Variants in VCAN observed in about 807,000 individuals in gnomAD.
VCAN encodes versican, also known as versican core protein.
Under a neutral mutation model 245.5 loss-of-function variants are expected in VCAN, and 44 were observed. The observed-to-expected ratio is 0.18, with a 90% CI of 0.14 to 0.23. The LOEUF (loss-of-function observed/expected upper bound fraction) is 0.23, where lower values mean the gene tolerates loss of function less well. Among genes scored for constraint, VCAN ranks in the 10% least tolerant of loss-of-function variants. The pLI is 1.00. For synonymous variants in VCAN, 1,413 were observed against 1,437.0 expected (o/e 0.98, Z 0.38); for missense variants, 3,793 against 4,057.9 (o/e 0.93, Z 1.77).
At position 83,522,102 on chromosome 5, in the gene VCAN, A is replaced by C; in HGVS notation, c.3796A>C (p.Ile1266Leu). The change falls in exon 7 of 15, where the codon ATT becomes CTT. Residue 1266 changes from isoleucine to leucine, a missense_variant. By Grantham distance (5) the Ile-to-Leu change is conservative (BLOSUM62 2). Around this residue, in one of 5 missense-constraint regions of VCAN, gnomAD observed 3,182 missense variants for 3,250.3 expected, o/e 0.98. Transcript: ENST00000265077. ...SHVPPTTLED[I>L]VAKETETDID... ...TGTTCCTCCCACTACCCTTGAAGATATTGTAGCCAAGGAAACAGAAACCGA... is the reference window on the plus strand; with the variant it reads ...TGTTCCTCCCACTACCCTTGAAGATCTTGTAGCCAAGGAAACAGAAACCGA... 3 of 1,614,184 alleles carry C rather than the reference A, an allele frequency of 1.9e-6. No homozygotes were observed. Among genetic ancestry groups the C allele is most frequent in the Non-Finnish European group, 2.5e-6 (3 of 1,180,040 alleles).
At chr5:83,558,138 C>G (rs921411925) in intron 12 of VCAN, among the ~76,000 whole-genome samples, 3 of 152,134 alleles carry the variant, frequency 2.0e-5, no homozygotes, top group Non-Finnish European at 2.9e-5. Context: ...TCCTTTTCCT[C>G]TCTGAAACAG....
chr5:83,575,447 G>A (rs1006379399), intron 13 of VCAN, among the ~76,000 whole-genome samples: 1 of 152,112 alleles, frequency 6.6e-6, no homozygotes, highest in Non-Finnish European at 1.5e-5. Flanking sequence ...CTATCCAAAT[G>A]TCATGTTTGC....
chr5:83,506,202 A>T (rs1745479242), intron 5 of VCAN, among the ~76,000 whole-genome samples: 1 of 152,198 alleles, frequency 6.6e-6, no homozygotes, highest in Admixed American at 6.5e-5. Context: ...GCCGGCTTGA[A>T]TTCCCCCGCA....
chr5:83,540,168 G>A lies in VCAN; in HGVS notation c.7165G>A (p.Ala2389Thr), dbSNP rs777747851. The change falls in exon 8 of 15, where the codon GCA becomes ACA. Residue 2389 changes from alanine (A) to threonine (T), a missense_variant. Transcript: ENST00000265077. ...EQDSNKNSST[A>T]EINETTTSST... ...AGACTCTAACAAGAATTCTTCAACA[G>A]CAGAAATTAACGAAACAACAACCTC... 27 of 1,614,004 alleles carry A rather than the reference G, an allele frequency of 1.7e-5. No homozygotes were observed. The highest frequency in any genetic ancestry group is 1.8e-5 in the Non-Finnish European group (21 of 1,179,988).
intron 12 of VCAN, 117 bp from the exon 13 acceptor site, chr5:83,572,299 A>C (rs776695588): frequency 3.2e-6 from 4 of 1,258,116 alleles, no homozygotes; most frequent in South Asian, 1.2e-5. Context: ...AATTTCAGCT[A>C]TATGAAACAA....
chr5:83,541,478 A>T lies in VCAN; in HGVS notation c.8475A>T (p.Pro2825=). ...STFAKLSSQT[P]SSPLTIYSGS... is the part of the protein sequence containing the mutation. ...TTGCGAAGTTGTCTTCTCAGACACC[A>T]TCATCTCCCCTCACTATCTACTCAG... The change falls in exon 8 of 15, where the codon CCA becomes CCT. Residue 2825 remains proline, a synonymous_variant. Transcript: ENST00000265077. 1 of 1,614,102 alleles carries T rather than the reference A, an allele frequency of 6.2e-7. No homozygotes were observed. The highest frequency in any genetic ancestry group is 8.5e-7 in the Non-Finnish European group (1 of 1,180,004).
chr5:83,487,565 G>A lies in VCAN; in HGVS notation c.71-2533G>A, dbSNP rs993001157. Among the ~76,000 whole-genome samples, 15 of 152,170 alleles carry A rather than the reference G, an allele frequency of 9.9e-5. No homozygotes were observed. The East Asian group carries it at 1.9e-3, about 20-fold the overall frequency. Reference sequence around the variant, plus strand: ...AAAATATTTAGATTTAGTGAATTTCGTTTTTGTGACCCAGTGCATTAAGAC... The same window carrying A: ...AAAATATTTAGATTTAGTGAATTTCATTTTTGTGACCCAGTGCATTAAGAC... On this transcript the variant is annotated intron_variant, in intron 2 of 14. Transcript: ENST00000265077.
rs1284396161 is a variant in VCAN at position 83,547,509 on chromosome 5, A to T, written c.9380-462A>T. Among the ~76,000 whole-genome samples, 5 of 152,124 alleles carry T rather than the reference A, an allele frequency of 3.3e-5. No individual in the cohort carries two copies. In the East Asian group the frequency reaches 9.7e-4, roughly 29 times the overall value. On this transcript the variant is annotated intron_variant, in intron 9 of 14. Coordinates refer to ENST00000265077, the MANE Select transcript of VCAN (RefSeq NM_004385.5). ...AAGATGACATTTAGCAGAGTGATGG[A>T]TATATTGGAGAGGAAAGGGCCTAGG...
Position 83,521,660 on chromosome 5 carries a change from AGTG to A in VCAN, c.3357_3359del (p.Val1120del), listed in dbSNP as rs1447025639. The A allele has an allele frequency of 6.2e-7, 1 of 1,613,920 alleles. No homozygotes were observed. The highest frequency in any genetic ancestry group is 1.1e-5 in the South Asian group (1 of 91,084). On this transcript the variant is annotated inframe_deletion, in exon 7 of 15. Transcript: ENST00000265077. The stretch of plus-strand genomic sequence containing the variant: ...CTGAGCACAAAGTGAAAACAGATGA[AGTG>A]GTAACACTAACACCACGCATTGGGC...
At chr5:83,477,943 AT>A (rs922065177) in intron 1 of VCAN, among the ~76,000 whole-genome samples, 3 of 148,922 alleles carry the variant, frequency 2.0e-5, no homozygotes, top group East Asian at 3.9e-4. Flanking sequence ...AAAAAAAATA[AT>A]TTTTTTCTTT....
chr5:83,513,014 A>T (rs1745715187), intron 6 of VCAN: 1 of 152,438 alleles, frequency 6.6e-6, no homozygotes, highest in Non-Finnish European at 1.5e-5. Context: ...CCTATAACAG[A>T]GTATCTTTAG....
At position 83,526,855 on chromosome 5, in the gene VCAN, C is replaced by T. The variant is rs564643081; in HGVS notation, c.4003+4546C>T. On this transcript the variant is annotated intron_variant, in intron 7 of 14. Coordinates refer to ENST00000265077, the MANE Select transcript of VCAN (RefSeq NM_004385.5). ...CTAAGTCATCATCAAACTCACACTT[C>T]GGGCTTCATACTTTCAGACCACTTT... Among the ~76,000 whole-genome samples the T allele has an allele frequency of 8.5e-5, 13 of 152,308 alleles. No homozygotes were observed. The South Asian group carries it at 2.1e-3, about 24-fold the overall frequency.
chr5:83,575,663 T>C (rs1204542339), intron 13 of VCAN, among the ~76,000 whole-genome samples: 1 of 152,198 alleles, frequency 6.6e-6, no homozygotes, highest in African/African-American at 2.4e-5. Flanking sequence ...GTATACTACA[T>C]GTCAGTAGCA....
chr5:83,516,342 A>C (rs1289321565), intron 6 of VCAN, among the ~76,000 whole-genome samples: 1 of 152,206 alleles, frequency 6.6e-6, no homozygotes. Context: ...CAATCTTTAC[A>C]GTTTTATAAC....
chr5:83,508,641 T>A (rs1745553437), intron 5 of VCAN, among the ~76,000 whole-genome samples: 1 of 152,228 alleles, frequency 6.6e-6, no homozygotes, highest in Non-Finnish European at 1.5e-5. Context: ...TTTCTCATTA[T>A]TCTGAAATAA....
chr5:83,549,433 A>G (rs1436753219), intron 10 of VCAN, among the ~76,000 whole-genome samples: 1 of 152,188 alleles, frequency 6.6e-6, no homozygotes, highest in Non-Finnish European at 1.5e-5. Context: ...AGGCTCAGAG[A>G]AAAAAAGTGA....
chr5:83,474,471 A>G lies in VCAN; in HGVS notation c.-7+2448A>G, dbSNP rs1290356738. 2.0e-5 allele frequency among the ~76,000 whole-genome samples: 3 copies of G among 152,196 alleles called. No homozygotes were observed. In the South Asian group the frequency reaches 6.2e-4, roughly 32 times the overall value. On this transcript the variant is annotated intron_variant, in intron 1 of 14. Coordinates refer to ENST00000265077, the MANE Select transcript of VCAN (RefSeq NM_004385.5). ...GGGTGGGAAAGAACTAGACAAGCGG[A>G]GGTGGTCCAGCCCCGCCCAAAGGGG... is the stretch of plus-strand genomic sequence containing the variant.
At chr5:83,505,121 G>A (rs963596192) in intron 5 of VCAN, among the ~76,000 whole-genome samples, 2 of 152,090 alleles carry the variant, frequency 1.3e-5, no homozygotes, top group Admixed American at 1.3e-4. Context: ...TGGGGACACA[G>A]CCAAACCATA....
At chr5:83,494,029 A>G in intron 5 of VCAN, 98 bp downstream of exon 5, 1 of 1,590,744 alleles carries the variant, frequency 6.3e-7, no homozygotes, top group Admixed American at 1.7e-5. Context: ...GCTTGTTTGG[A>G]TTCCAAACGG....
Sources: allele counts gnomAD v4.1 joint callset (sites outside exome capture counted in the v4.1 genomes callset), GRCh38; gene constraint gnomAD v4.1.1; regional missense constraint gnomAD v4.1.1; transcripts MANE v1.5; gene names NCBI Gene and HGNC (gene_info 2026-07-23, HGNC 2026-07-21).